MARS1: variants seen among roughly 807,000 people sequenced by gnomAD.
MARS1 encodes methionyl-tRNA synthetase 1, also known as methionine--tRNA ligase, cytoplasmic.
In MARS1, 80 loss-of-function variants were observed where a neutral mutation model predicts 119.5. The ratio of observed to expected loss-of-function variants is 0.67; its 90% CI spans 0.56 to 0.81. The LOEUF (loss-of-function observed/expected upper bound fraction) is 0.81, where lower values mean the gene tolerates loss of function less well. Ranked by LOEUF, MARS1 falls within the 30% of genes least tolerant of loss-of-function variation. The pLI, the probability that MARS1 is intolerant of heterozygous loss-of-function variation, is 0.00. For missense variants in MARS1, 945 were observed against 1,116.5 expected (o/e 0.85, Z 2.19); for synonymous variants, 418 against 433.4 (o/e 0.96, Z 0.44).
Position 57,490,616 on chromosome 12 carries a change from C to T in MARS1, c.742C>T (p.Pro248Ser). 1 of 1,613,986 alleles carries T rather than the reference C, an allele frequency of 6.2e-7. No homozygotes were observed. Among genetic ancestry groups the T allele is most frequent in the Non-Finnish European group, 8.5e-7 (1 of 1,179,986 alleles). Residue 248 changes from proline to serine, a missense_variant, in exon 7 of 21, where the codon CCC becomes TCC. Coordinates refer to ENST00000262027, the MANE Select transcript of MARS1 (RefSeq NM_004990.4). ...TAWEKGLESL[P>S]PLRPQQNPVL... Reference sequence around the variant, plus strand: ...TTGGGAGAAGGGCCTAGAAAGTTTGCCCCCGCTGCGGCCCCAGCAGAATCC... The same window carrying T: ...TTGGGAGAAGGGCCTAGAAAGTTTGTCCCCGCTGCGGCCCCAGCAGAATCC...
At chr12:57,511,464 C>A (rs1456348829) in intron 11 of MARS1, 3 of 538,984 alleles carry the variant, frequency 5.6e-6, no homozygotes, top group Non-Finnish European at 1.0e-5. Context: ...GTGGTCCCAG[C>A]TACTGGGGAG....
At chr12:57,509,473 C>A (rs1877403844) in intron 11 of MARS1, among the ~76,000 whole-genome samples, 1 of 152,162 alleles carries the variant, frequency 6.6e-6, no homozygotes, top group Non-Finnish European at 1.5e-5. Context: ...GTGGCACTAT[C>A]TTGGCTCACT....
chr12:57,495,149 G>T (rs1358523866), intron 7 of MARS1, among the ~76,000 whole-genome samples: 1 of 146,660 alleles, frequency 6.8e-6, no homozygotes, highest in East Asian at 2.1e-4. Flanking sequence ...CCCACCTCCC[G>T]GATGGGGTGG....
intron 10 of MARS1, 141 bp downstream of exon 10, chr12:57,500,663 G>A (rs1055185486): frequency 3.6e-5 from 26 of 720,972 alleles, no homozygotes; most frequent in Non-Finnish European, 4.6e-5. Context: ...TCAGCAACTC[G>A]TCATTTAGTT....
intron 7 of MARS1, 67 bp downstream of exon 7, chr12:57,490,711 C>T (rs1414224495): frequency 5.4e-5 from 74 of 1,358,356 alleles, no homozygotes; most frequent in Non-Finnish European, 7.6e-5. Flanking sequence ...AGAGCCAGAA[C>T]CTGCCTGCTA....
In MARS1 at chr12:57,512,302, G is replaced by A; in HGVS notation, c.1702G>A (p.Ala568Thr). The change falls in exon 14 of 21, where the codon GCC (alanine) becomes ACC (threonine). Residue 568 changes from alanine (A) to threonine (T), a missense_variant. Transcript: ENST00000262027. The part of the protein sequence containing the change: ...PFHSLVFPCS[A>T]LGAEDNYTLV... The stretch of plus-strand genomic sequence containing the variant: ...CCATAGCTTAGTCTTTCCTTGCTCA[G>A]CCCTAGGAGCTGAGGATAACTATAC... 6.2e-7 allele frequency: 1 copy of A among 1,614,130 alleles called. No homozygotes were observed. Among genetic ancestry groups the A allele is most frequent in the Non-Finnish European group, 8.5e-7 (1 of 1,180,028 alleles).
chr12:57,501,152 C>T (rs541345530), intron 10 of MARS1, among the ~76,000 whole-genome samples: 3 of 152,230 alleles, frequency 2.0e-5, no homozygotes, highest in African/African-American at 7.2e-5. Context: ...ATGTTCTAAG[C>T]GGAAGGACTA....
intron 15 of MARS1, among the ~76,000 whole-genome samples, chr12:57,513,286 GT>G (rs777522829): frequency 1.3e-5 from 2 of 152,130 alleles, no homozygotes; most frequent in Non-Finnish European, 2.9e-5. Flanking sequence ...TCATTGAAAA[GT>G]TTGGCTGAAG....
At chr12:57,493,730 TATATA>T (rs1876317259) in intron 7 of MARS1, among the ~76,000 whole-genome samples, 1 of 6,948 alleles carries the variant, frequency 1.4e-4, no homozygotes. Flanking sequence ...TATATTATAT[TATATA>T]ATATATATTA....
intron 7 of MARS1, among the ~76,000 whole-genome samples, chr12:57,492,561 C>T (rs1764974040): frequency 6.6e-6 from 1 of 151,832 alleles, no homozygotes; most frequent in Non-Finnish European, 1.5e-5. Context: ...ATCCCTGCTA[C>T]TCAGGAGGCT....
chr12:57,493,744 T>A (rs1228574400), intron 7 of MARS1, among the ~76,000 whole-genome samples: 5 of 4,298 alleles, frequency 1.2e-3, no homozygotes, highest in South Asian at 0.01. Flanking sequence ...TAATATATAT[T>A]ATATACATTA....
intron 7 of MARS1, among the ~76,000 whole-genome samples, chr12:57,491,453 C>T (rs1030639534): frequency 6.6e-6 from 1 of 152,160 alleles, no homozygotes; most frequent in Non-Finnish European, 1.5e-5. Context: ...TCGTTTCTCC[C>T]TAGCTGTATT....
chr12:57,489,776 A>G (rs1875785437), intron 4 of MARS1, 120 bp from the exon 5 acceptor site: 4 of 1,096,804 alleles, frequency 3.6e-6, no homozygotes, highest in Non-Finnish European at 5.6e-6. Context: ...AAGTGAGATC[A>G]TATAAAGTGC....
intron 6 of MARS1, 78 bp from the exon 7 acceptor site, chr12:57,490,460 C>T: frequency 6.2e-7 from 1 of 1,606,818 alleles, no homozygotes. Flanking sequence ...CTAACTTTTT[C>T]AGGTAGTGGC....
Position 57,490,295 on chromosome 12 carries a change from A to G in MARS1, c.579A>G (p.Gln193=). The G allele has an allele frequency of 6.2e-7, 1 of 1,613,222 alleles. No individual in the cohort carries two copies. Among genetic ancestry groups the G allele is most frequent in the Non-Finnish European group, 8.5e-7 (1 of 1,180,038 alleles). ...QRAAETVLKQ[Q]GVLALRPYLQ... ...CTGCAGAGACTGTACTGAAACAGCAAGGTGTCCTGGCTCTCCGGCCTTACC... is the reference window on the plus strand; with the variant it reads ...CTGCAGAGACTGTACTGAAACAGCAGGGTGTCCTGGCTCTCCGGCCTTACC... Residue 193 remains glutamine, a synonymous_variant, in exon 6 of 21, where the codon CAA becomes CAG. Transcript: ENST00000262027.
chr12:57,504,973 G>C (rs1877113896), intron 11 of MARS1, among the ~76,000 whole-genome samples: 1 of 151,602 alleles, frequency 6.6e-6, no homozygotes, highest in Non-Finnish European at 1.5e-5. Flanking sequence ...CAAAGTGCTG[G>C]GATTACAGGT....
intron 7 of MARS1, among the ~76,000 whole-genome samples, chr12:57,493,464 A>ATAT (rs1565639980): frequency 1.4e-3 from 1 of 706 alleles, no homozygotes; most frequent in Non-Finnish European, 0.01. Flanking sequence ...ATATTATAAT[A>ATAT]TATAATATAT....
Position 57,514,348 on chromosome 12 carries a change from G to A in MARS1, c.1968-372G>A, listed in dbSNP as rs193218878. Among the ~76,000 whole-genome samples, 51 of 151,986 alleles carry A rather than the reference G, an allele frequency of 3.4e-4. 1 individual carries two copies. The East Asian group carries it at 9.7e-3, about 29-fold the overall frequency. ...AATTTTTTGCATTTTTAGTAGAGACGAGGTTTCACCATGGCCAGGCCAGGC... is the reference window on the plus strand; with the variant it reads ...AATTTTTTGCATTTTTAGTAGAGACAAGGTTTCACCATGGCCAGGCCAGGC... On this transcript the variant is annotated intron_variant, in intron 15 of 20. Transcript: ENST00000262027.
chr12:57,505,208 C>G (rs2140025148), intron 11 of MARS1, among the ~76,000 whole-genome samples: 1 of 151,282 alleles, frequency 6.6e-6, no homozygotes, highest in Non-Finnish European at 1.5e-5. Context: ...GTTGCCCACA[C>G]TGGAGTGCAA....
Sources: allele counts gnomAD v4.1 joint callset (sites outside exome capture counted in the v4.1 genomes callset), GRCh38; gene constraint gnomAD v4.1.1; transcripts MANE v1.5; gene names NCBI Gene and HGNC (gene_info 2026-07-23, HGNC 2026-07-21).